The following FHIT variants were observed in gnomAD, a reference collection of about 807,000 sequenced individuals.
FHIT encodes the protein fragile histidine triad diadenosine triphosphatase.
A neutral mutation model predicts 17.9 loss-of-function variants in FHIT; 19 were observed. The ratio of observed to expected loss-of-function variants is 1.06; its 90% CI spans 0.74 to 1.56. The LOEUF (loss-of-function observed/expected upper bound fraction) is 1.56, where lower values mean the gene tolerates loss of function less well. Ranked by LOEUF, FHIT falls within the 40% of genes most tolerant of loss-of-function variation. The probability of loss-of-function intolerance (pLI) is 0.00; values close to 1 mark genes in which losing one functional copy is unlikely to be tolerated. For missense variants in FHIT, 248 were observed against 189.2 expected, an observed-to-expected ratio of 1.31 and a Z score of -1.82; for synonymous variants, 81 against 69.7, an observed-to-expected ratio of 1.16 and a Z score of -0.81.
intron 7 of FHIT, among the ~76,000 whole-genome samples, chr3:59,952,492 C>A (rs1305621813): frequency 6.6e-6 from 1 of 152,178 alleles, no homozygotes; most frequent in Non-Finnish European, 1.5e-5. Context: ...CAGACTCTCA[C>A]CTCCCCTGAC....
At chr3:60,136,175 A>C (rs1430032320) in intron 5 of FHIT, among the ~76,000 whole-genome samples, 2 of 151,988 alleles carry the variant, frequency 1.3e-5, no homozygotes, top group African/African-American at 4.8e-5. Flanking sequence ...CTGCTATCTG[A>C]TTTTACACAA....
At chr3:60,682,797 T>C (rs919487360) in intron 4 of FHIT, among the ~76,000 whole-genome samples, 6 of 152,194 alleles carry the variant, frequency 3.9e-5, no homozygotes, top group Admixed American at 2.6e-4. Flanking sequence ...AGACTATACA[T>C]AGTGATTTAT....
intron 5 of FHIT, among the ~76,000 whole-genome samples, chr3:60,406,212 C>T (rs933518934): frequency 6.6e-6 from 1 of 152,154 alleles, no homozygotes; most frequent in Non-Finnish European, 1.5e-5. Context: ...TGATTATGTG[C>T]ATAAGGCAAA....
At chr3:61,187,966 A>G (rs1190399494) in intron 2 of FHIT, among the ~76,000 whole-genome samples, 1 of 152,244 alleles carries the variant, frequency 6.6e-6, no homozygotes, top group Non-Finnish European at 1.5e-5. Context: ...CTAAATGCCC[A>G]TAAGACAAAG....
intron 3 of FHIT, among the ~76,000 whole-genome samples, chr3:60,940,409 T>C (rs1272323256): frequency 6.6e-6 from 1 of 152,176 alleles, no homozygotes; most frequent in East Asian, 1.9e-4. Context: ...ATCTGAGATA[T>C]GAGCTTCTGT....
intron 3 of FHIT, among the ~76,000 whole-genome samples, chr3:60,926,475 G>T (rs1707620869): frequency 6.6e-6 from 1 of 152,196 alleles, no homozygotes. Flanking sequence ...GTCGCGAAAT[G>T]AAGACAGAAA....
At chr3:60,276,880 G>T (rs1707167738) in intron 5 of FHIT, among the ~76,000 whole-genome samples, 1 of 152,080 alleles carries the variant, frequency 6.6e-6, no homozygotes, top group African/African-American at 2.4e-5. Context: ...CTCACAGACT[G>T]AGAACAAACT....
intron 5 of FHIT, among the ~76,000 whole-genome samples, chr3:60,324,895 T>C (rs1709614801): frequency 6.6e-6 from 1 of 152,168 alleles, no homozygotes; most frequent in Non-Finnish European, 1.5e-5. Context: ...CAAATCTTTT[T>C]AAGGGTAAAA....
intron 4 of FHIT, among the ~76,000 whole-genome samples, chr3:60,795,543 CTCTG>C (rs1280545256): frequency 1.3e-5 from 2 of 149,974 alleles, no homozygotes; most frequent in Non-Finnish European, 3.0e-5. Context: ...TTACTCTGTC[CTCTG>C]TCTGTCACCC....
At chr3:61,114,390 A>T (rs1463160987) in intron 2 of FHIT, among the ~76,000 whole-genome samples, 1 of 152,194 alleles carries the variant, frequency 6.6e-6, no homozygotes, top group African/African-American at 2.4e-5. Flanking sequence ...ACTGTGATTT[A>T]TTGGCAGCCA....
intron 7 of FHIT, among the ~76,000 whole-genome samples, chr3:59,988,826 G>A (rs1008746811): frequency 1.3e-5 from 2 of 152,094 alleles, no homozygotes; most frequent in Non-Finnish European, 2.9e-5. Context: ...TCCAAGATAG[G>A]GGAATGCAGT....
chr3:60,441,112 A>G (rs1559915201), intron 5 of FHIT, among the ~76,000 whole-genome samples: 1 of 152,060 alleles, frequency 6.6e-6, no homozygotes, highest in African/African-American at 2.4e-5. Context: ...GAACCAGGTG[A>G]TATCACTATC....
chr3:60,124,025 G>GAGAGAGAGAGAGAGAGAGAGAC (rs1705411823), intron 5 of FHIT, among the ~76,000 whole-genome samples: 1 of 53,528 alleles, frequency 1.9e-5, no homozygotes, highest in Non-Finnish European at 4.8e-5. Context: ...GAGAGAGAGA[G>GAGAGAGAGAGAGAGAGAGAGAC]AGAGAGAGAG....
chr3:60,005,069 G>T (rs1699871063), intron 7 of FHIT, among the ~76,000 whole-genome samples: 1 of 152,140 alleles, frequency 6.6e-6, no homozygotes, highest in Non-Finnish European at 1.5e-5. Context: ...AAACCAAGTA[G>T]TCTGGCCCCA....
chr3:60,393,073 C>G (rs911510326), intron 5 of FHIT, among the ~76,000 whole-genome samples: 1 of 152,104 alleles, frequency 6.6e-6, no homozygotes, highest in Non-Finnish European at 1.5e-5. Flanking sequence ...TAGATATCCA[C>G]TTTACAGTCC....
At chr3:61,213,420 T>C (rs2039557132) in intron 1 of FHIT, among the ~76,000 whole-genome samples, 1 of 152,186 alleles carries the variant, frequency 6.6e-6, no homozygotes, top group Non-Finnish European at 1.5e-5. Flanking sequence ...GGCCATTACG[T>C]AATGGTAAAG....
intron 2 of FHIT, among the ~76,000 whole-genome samples, chr3:61,108,828 C>T (rs1354916647): frequency 6.6e-6 from 1 of 152,148 alleles, no homozygotes; most frequent in Non-Finnish European, 1.5e-5. Context: ...ATATGATATG[C>T]CACTCTCAGT....
chr3:61,003,526 G>A (rs887008468), intron 3 of FHIT, among the ~76,000 whole-genome samples: 3 of 152,142 alleles, frequency 2.0e-5, no homozygotes, highest in Non-Finnish European at 4.4e-5. Context: ...CTACCACATT[G>A]TGTTTATGCC....
At chr3:61,186,544 G>A (rs1284838575) in intron 2 of FHIT, among the ~76,000 whole-genome samples, 1 of 152,208 alleles carries the variant, frequency 6.6e-6, no homozygotes, top group African/African-American at 2.4e-5. Context: ...CAGAAGAGGT[G>A]AGAGGCTATG....
Sources: gnomAD v4.1 joint callset for allele counts (sites outside exome capture counted in the v4.1 genomes callset) on GRCh38, gnomAD v4.1.1 for gene constraint, MANE v1.5 for transcripts, NCBI Gene and HGNC (gene_info 2026-07-23, HGNC 2026-07-21) for gene names.